The following TARS1 variants were observed in gnomAD, a reference collection of about 807,000 sequenced individuals.
TARS1 encodes threonine--tRNA ligase 1, cytoplasmic.
In TARS1, 57 loss-of-function variants were observed where a neutral mutation model predicts 97.7. The ratio of observed to expected loss-of-function variants is 0.58; its 90% CI spans 0.47 to 0.73. The LOEUF is 0.73. TARS1 is among the 30% of genes least tolerant of loss of function. TARS1 has a pLI of 0.00. For missense variants in TARS1, 806 were observed against 888.3 expected (o/e 0.91, Z 1.18); for synonymous variants, 312 against 293.7 (o/e 1.06, Z -0.64).
chr5:33,458,903 C>T (rs563703683), intron 10 of TARS1, among the ~76,000 whole-genome samples: 1 of 152,270 alleles, frequency 6.6e-6, no homozygotes, highest in South Asian at 2.1e-4. Flanking sequence ...TCTGTGCCCT[C>T]TTTGACTTTG....
intron 2 of TARS1, chr5:33,446,616 C>A: frequency 1.6e-6 from 2 of 1,231,354 alleles, no homozygotes; most frequent in Non-Finnish European, 2.1e-6. Flanking sequence ...GGGCAACTTG[C>A]AGGTTTTATT....
rs539433303 is a variant in TARS1, at chr5:33,459,447, T to C, written c.1084-248T>C. Among the ~76,000 whole-genome samples, 3 of 152,362 alleles carry C rather than the reference T, an allele frequency of 2.0e-5. No homozygotes were observed. The South Asian group carries it at 6.2e-4, about 32-fold the overall frequency. ...TACCACAATGCACTCATCCCTGTATTGATGGACACTGATGTATAATTGTCC... is the reference window on the plus strand; with the variant it reads ...TACCACAATGCACTCATCCCTGTATCGATGGACACTGATGTATAATTGTCC... On this transcript the variant is annotated intron_variant, in intron 10 of 18. Coordinates refer to ENST00000265112, the MANE Select transcript of TARS1 (RefSeq NM_152295.5).
rs1487894774 is a variant in TARS1 at position 33,443,303 on chromosome 5, TTCCCTCTCTCTCTCTCCCTC to T, written c.58-2018_58-1999del. 2.0e-4 allele frequency among the ~76,000 whole-genome samples: 20 copies of T among 100,668 alleles called. No individual in the cohort carries two copies. The East Asian group carries it at 7.8e-3, about 39-fold the overall frequency. The allele number at this position is 100,668 out of a possible 152,430, so 66.0% of individuals were successfully genotyped here. ...TAGAACCAGAAAACCTTTGTGGTGA[TTCCCTCTCTCTCTCTCCCTC>T]TCTCTCTCTCTCTCTCTCTCTCTCT... On this transcript the variant is annotated intron_variant, in intron 1 of 18. Coordinates refer to ENST00000265112, the MANE Select transcript of TARS1 (RefSeq NM_152295.5).
chr5:33,456,154 G>A lies in TARS1; in HGVS notation c.764G>A (p.Gly255Asp). 1 of 1,613,872 alleles carries A rather than the reference G, an allele frequency of 6.2e-7. No individual in the cohort carries two copies. ...TCCTTTCATTTTATCTTTAGATGTGGCCCTTTGATAGATCTCTGCCGGGGT... is the reference window on the plus strand; with the variant it reads ...TCCTTTCATTTTATCTTTAGATGTGACCCTTTGATAGATCTCTGCCGGGGT... The part of the protein sequence containing the change: ...NTPTTTVYRC[G>D]PLIDLCRGPH... The change falls in exon 8 of 19, where the codon GGC (glycine) becomes GAC (aspartate). Residue 255 changes from glycine to aspartate, a missense_variant. This residue lies in a region of TARS1 where 356 missense variants were observed against 357.8 expected (regional missense o/e 0.99). Coordinates refer to ENST00000265112, the MANE Select transcript of TARS1 (RefSeq NM_152295.5).
intron 3 of TARS1, among the ~76,000 whole-genome samples, chr5:33,452,930 A>C (rs1268313037): frequency 6.6e-6 from 1 of 152,146 alleles, no homozygotes; most frequent in Non-Finnish European, 1.5e-5. Context: ...CAGCCTGCGC[A>C]ACATAGCAAG....
At position 33,454,966 on chromosome 5, in the gene TARS1, C is replaced by T; in HGVS notation, c.475C>T (p.His159Tyr). Residue 159 changes from histidine to tyrosine, a missense_variant, in exon 5 of 19, where the codon CAC becomes TAC. By Grantham distance (83) the His-to-Tyr change is moderately conservative. Transcript: ENST00000265112. ...AQAVYWHSSA[H>Y]IMGEAMERVY... is the part of the protein sequence containing the mutation. Reference sequence around the variant, plus strand: ...TCAGGTGTATTGGCACTCTAGTGCTCACATAATGGGTGAAGCCATGGAAAG... The same window carrying T: ...TCAGGTGTATTGGCACTCTAGTGCTTACATAATGGGTGAAGCCATGGAAAG... 1 of 1,613,636 alleles carries T rather than the reference C, an allele frequency of 6.2e-7. No homozygotes were observed. The highest frequency in any genetic ancestry group is 1.7e-4 in the Middle Eastern group (1 of 6,056).
chr5:33,459,001 T>C (rs1054784107), intron 10 of TARS1, among the ~76,000 whole-genome samples: 2 of 152,216 alleles, frequency 1.3e-5, no homozygotes, highest in African/African-American at 2.4e-5. Context: ...TATAAGTTTA[T>C]AGAGAATAGT....
Position 33,461,733 on chromosome 5 carries a change from T to A in TARS1, c.1618T>A (p.Tyr540Asn). The A allele has an allele frequency of 6.2e-7, 1 of 1,613,976 alleles. No individual in the cohort carries two copies. Among genetic ancestry groups the A allele is most frequent in the South Asian group, 1.1e-5 (1 of 91,082 alleles). Residue 540 changes from tyrosine to asparagine, a missense_variant, in exon 14 of 19, where the codon TAT (tyrosine) becomes AAT (asparagine). Physicochemically the swap from Tyr to Asn is moderately radical, Grantham distance 143. Around this residue, in one of 3 missense-constraint regions of TARS1, gnomAD observed 446 missense variants for 511.0 expected, o/e 0.87. Coordinates refer to ENST00000265112, the MANE Select transcript of TARS1 (RefSeq NM_152295.5). ...WELNSGDGAFYGPKIDIQIKD... is the reference protein window; with the variant it reads ...WELNSGDGAFNGPKIDIQIKD... ...GTTAAACTCTGGAGATGGAGCTTTCTATGGCCCAAAGGTGAGCACTAAAGT... is the reference window on the plus strand; with the variant it reads ...GTTAAACTCTGGAGATGGAGCTTTCAATGGCCCAAAGGTGAGCACTAAAGT...
chr5:33,443,581 C>T (rs1182048038), intron 1 of TARS1, among the ~76,000 whole-genome samples: 1 of 151,502 alleles, frequency 6.6e-6, no homozygotes, highest in Non-Finnish European at 1.5e-5. Flanking sequence ...CAAGCTCCGC[C>T]TCCCGGGTTC....
chr5:33,462,382 TA>T (rs938322562), intron 16 of TARS1, among the ~76,000 whole-genome samples, 179 bp downstream of exon 16: 1 of 152,222 alleles, frequency 6.6e-6, no homozygotes, highest in African/African-American at 2.4e-5. Context: ...TTTTTAGCAT[TA>T]AGAACAATTG....
intron 17 of TARS1, among the ~76,000 whole-genome samples, chr5:33,465,440 T>A (rs1244967364): frequency 1.3e-5 from 2 of 152,212 alleles, no homozygotes; most frequent in African/African-American, 2.4e-5. Flanking sequence ...TTAAACACCC[T>A]GTAATTATCA....
chr5:33,452,311 A>G lies in TARS1; in HGVS notation c.330-978A>G, dbSNP rs373711857. 2.2e-3 allele frequency: 3,336 copies of G among 1,487,414 alleles called. 6 individuals carry two copies. Among genetic ancestry groups the G allele is most frequent in the Non-Finnish European group, 2.7e-3 (2,973 of 1,103,048 alleles). 92.1% of individuals were successfully genotyped at this position (1,487,414 alleles called of 1,614,324 possible). ...CTCTAGCTGTGCATTTAGATGTATA[A>G]TCTGGCTCACCTACTCAACTCTGCT... On this transcript the variant is annotated intron_variant, in intron 3 of 18. Coordinates refer to ENST00000265112, the MANE Select transcript of TARS1 (RefSeq NM_152295.5).
intron 1 of TARS1, among the ~76,000 whole-genome samples, chr5:33,442,123 C>T (rs1007264229): frequency 6.6e-5 from 10 of 152,172 alleles, no homozygotes; most frequent in African/African-American, 2.2e-4. Context: ...ACGTCTTCAG[C>T]TAAGGGATCC....
At chr5:33,443,057 G>A (rs760835566) in intron 1 of TARS1, among the ~76,000 whole-genome samples, 3 of 152,140 alleles carry the variant, frequency 2.0e-5, no homozygotes, top group Non-Finnish European at 4.4e-5. Context: ...CAACTTTTGG[G>A]TTGAGATTTT....
chr5:33,451,996 A>T (rs989778159), intron 3 of TARS1, among the ~76,000 whole-genome samples: 3 of 152,236 alleles, frequency 2.0e-5, no homozygotes, highest in Non-Finnish European at 4.4e-5. Context: ...GAAAGAAAAC[A>T]TTGTTTATAA....
intron 1 of TARS1, chr5:33,441,479 G>A (rs142500379): frequency 2.1e-4 from 54 of 256,626 alleles, no homozygotes; most frequent in African/African-American, 1.0e-3. Flanking sequence ...CCAAACTTGC[G>A]TTTATGGCTT....
At chr5:33,452,497 C>G in intron 3 of TARS1, 1 of 1,262,696 alleles carries the variant, frequency 7.9e-7, no homozygotes, top group South Asian at 1.3e-5. Context: ...TGCTTTCCCT[C>G]CTCAGAACTC....
intron 10 of TARS1, 75 bp from the exon 11 acceptor site, chr5:33,459,620 C>A: frequency 6.5e-7 from 1 of 1,530,916 alleles, no homozygotes. Flanking sequence ...TATAAAATCA[C>A]TCTTTAAGTT....
At chr5:33,455,157 T>C (rs1037009822) in intron 5 of TARS1, 91 bp downstream of exon 5, 37 of 1,473,624 alleles carry the variant, frequency 2.5e-5, no homozygotes, top group African/African-American at 7.0e-5. Context: ...AGGAATGATA[T>C]AGATCTCACT....
Sources: gnomAD v4.1 joint callset for allele counts (sites outside exome capture counted in the v4.1 genomes callset) on GRCh38, gnomAD v4.1.1 for gene constraint, gnomAD v4.1.1 regional missense constraint, MANE v1.5 for transcripts, NCBI Gene and HGNC (gene_info 2026-07-23, HGNC 2026-07-21) for gene names.